ANK2: variants seen among roughly 807,000 people sequenced by gnomAD.
ANK2 encodes the protein ankyrin-2.
In ANK2, 83 loss-of-function variants were observed where a neutral mutation model predicts 360.5. The ratio of observed to expected loss-of-function variants is 0.23; its 90% CI spans 0.19 to 0.28. The LOEUF (loss-of-function observed/expected upper bound fraction) is 0.28, where lower values mean the gene tolerates loss of function less well. Among genes scored for constraint, ANK2 ranks in the 10% least tolerant of loss-of-function variants. ANK2 has a pLI of 1.00. For synonymous variants in ANK2, 1,740 were observed against 1,759.5 expected, an observed-to-expected ratio of 0.99 and a Z score of 0.28; for missense variants, 4,201 against 4,795.7, an observed-to-expected ratio of 0.88 and a Z score of 3.66.
At chr4:112,846,683 A>G (rs968442830) in intron 1 of ANK2, among the ~76,000 whole-genome samples, 4 of 151,854 alleles carry the variant, frequency 2.6e-5, no homozygotes, top group African/African-American at 9.7e-5. Flanking sequence ...TGCTCCTTTA[A>G]GTTTCTTTTC....
chr4:112,950,360 T>C (rs570204762), intron 2 of ANK2, among the ~76,000 whole-genome samples: 1 of 152,300 alleles, frequency 6.6e-6, no homozygotes, highest in East Asian at 1.9e-4. Context: ...GGTTAAAAAG[T>C]AAGGCTGGGT....
intron 2 of ANK2, among the ~76,000 whole-genome samples, chr4:112,965,367 A>G (rs982966066): frequency 4.6e-5 from 7 of 151,670 alleles, no homozygotes; most frequent in African/African-American, 1.7e-4. Context: ...TTTTTTTCCT[A>G]TAGAGTTGTT....
chr4:113,348,087 C>T (rs2095067262), intron 35 of ANK2, 189 bp from the exon 36 acceptor site: 1 of 616,422 alleles, frequency 1.6e-6, no homozygotes, highest in South Asian at 2.0e-5. Context: ...AAACTTTGTA[C>T]TTAAGCCAAT....
upstream of ANK2, among the ~76,000 whole-genome samples, chr4:113,048,917 G>GACAC (rs55814667): frequency 1.7e-3 from 230 of 139,320 alleles, 1 homozygote; most frequent in African/African-American, 4.2e-3. Flanking sequence ...CCCCTACCCA[G>GACAC]ACACACACAC....
At chr4:113,315,573 CA>C (rs1321120561) in intron 24 of ANK2, among the ~76,000 whole-genome samples, 1 of 152,034 alleles carries the variant, frequency 6.6e-6, no homozygotes, top group Non-Finnish European at 1.5e-5. Context: ...TAGCCAAATT[CA>C]AAACAAAATA....
chr4:113,341,049 G>T (rs2094237701), intron 32 of ANK2, among the ~76,000 whole-genome samples: 1 of 152,168 alleles, frequency 6.6e-6, no homozygotes, highest in African/African-American at 2.4e-5. Flanking sequence ...GCCAGTCAAT[G>T]TCACAGACTT....
At chr4:113,281,002 C>A (rs2062104818) in intron 17 of ANK2, among the ~76,000 whole-genome samples, 1 of 152,070 alleles carries the variant, frequency 6.6e-6, no homozygotes, top group African/African-American at 2.4e-5. Flanking sequence ...CATCTGGGAC[C>A]TCTGATCAGA....
chr4:112,912,176 CAAAAAA>C (rs77322574), intron 2 of ANK2, among the ~76,000 whole-genome samples: 13 of 97,246 alleles, frequency 1.3e-4, no homozygotes, highest in African/African-American at 5.0e-4. Flanking sequence ...GACTCCGTTT[CAAAAAA>C]AAAAAAAAAG....
chr4:113,280,803 G>A (rs2061999120), intron 17 of ANK2, among the ~76,000 whole-genome samples: 2 of 152,132 alleles, frequency 1.3e-5, no homozygotes, highest in South Asian at 2.1e-4. Flanking sequence ...TTTGATGATC[G>A]CTTATGTTGT....
rs1258063802 is a variant in ANK2 at position 113,285,196 on chromosome 4, C to T, written c.2079+2324C>T. Among the ~76,000 whole-genome samples the T allele has an allele frequency of 2.0e-5, 3 of 151,370 alleles. No individual in the cohort carries two copies. The East Asian group carries it at 5.8e-4, about 29-fold the overall frequency. ...CAGTGTTTTTCCTCTATTCTCACAC[C>T]TACCACACAACAATCATCAACACAG... On this transcript the variant is annotated intron_variant, in intron 18 of 45. Transcript: ENST00000357077.
intron 1 of ANK2, among the ~76,000 whole-genome samples, chr4:113,121,719 A>AT (rs2095369861): frequency 6.6e-6 from 1 of 152,246 alleles, no homozygotes; most frequent in African/African-American, 2.4e-5. Flanking sequence ...TAAGTAGAAA[A>AT]TTAAAAAAAA....
chr4:113,323,735 G>T, intron 26 of ANK2: 1 of 1,606,926 alleles, frequency 6.2e-7, no homozygotes, highest in Non-Finnish European at 8.5e-7. Flanking sequence ...CCTTCTCTGT[G>T]CTAAAGTATC....
chr4:112,983,542 G>A (rs1402596267), intron 2 of ANK2, among the ~76,000 whole-genome samples: 2 of 152,028 alleles, frequency 1.3e-5, no homozygotes, highest in African/African-American at 4.8e-5. Context: ...TTAGCTGGGT[G>A]TGGTGGCCTG....
chr4:113,381,388 C>G, intron 45 of ANK2, 69 bp from the exon 46 acceptor site: 1 of 1,562,908 alleles, frequency 6.4e-7, no homozygotes, highest in Non-Finnish European at 8.8e-7. Context: ...GTAATGGTCA[C>G]CTTCATTCCT....
intron 43 of ANK2, chr4:113,372,512 A>G (rs1304336117): frequency 1.1e-5 from 16 of 1,468,156 alleles, no homozygotes; most frequent in South Asian, 3.6e-5. Flanking sequence ...AAACAAAGCA[A>G]TGCTTCCATG....
chr4:112,958,021 A>G (rs1239230702), intron 2 of ANK2, among the ~76,000 whole-genome samples: 2 of 150,642 alleles, frequency 1.3e-5, no homozygotes, highest in South Asian at 2.1e-4. Context: ...GACGCTCCTC[A>G]CTTCCTAGAT....
At chr4:112,723,368 G>T in the ANK2 span, among the ~76,000 whole-genome samples, 6 of 151,940 alleles carry the variant, frequency 3.9e-5, no homozygotes, top group African/African-American at 1.5e-4. Flanking sequence ...TTTTTTGTGG[G>T]GGAAGCAGGG....
At chr4:113,172,283 A>G (rs1484892074) in intron 1 of ANK2, among the ~76,000 whole-genome samples, 2 of 152,204 alleles carry the variant, frequency 1.3e-5, no homozygotes, top group East Asian at 3.8e-4. Context: ...CAAAGGCATA[A>G]CTGGGGTTAA....
rs1280880991 is a variant in ANK2 at position 113,255,777 on chromosome 4, G to A, written c.1033G>A (p.Val345Met). The A allele has an allele frequency of 3.1e-6, 5 of 1,614,054 alleles. No individual in the cohort carries two copies. Among genetic ancestry groups the A allele is most frequent in the African/African-American group, 1.3e-5 (1 of 74,916 alleles). The change falls in exon 11 of 46, where the codon GTG becomes ATG. Residue 345 changes from valine (V) to methionine (M), a missense_variant. Val to Met is a conservative substitution (Grantham distance 21, BLOSUM62 1). Transcript: ENST00000357077. ...PLHMAAQGDH[V>M]ECVKHLLQHK... is the part of the protein sequence containing the mutation. ...ACACATGGCTGCCCAGGGAGACCACGTGGAATGTGTGAAGCACCTGTTACA... is the reference window on the plus strand; with the variant it reads ...ACACATGGCTGCCCAGGGAGACCACATGGAATGTGTGAAGCACCTGTTACA...
Sources: gnomAD v4.1 joint callset for allele counts (sites outside exome capture counted in the v4.1 genomes callset) on GRCh38, gnomAD v4.1.1 for gene constraint, MANE v1.5 for transcripts, NCBI Gene and HGNC (gene_info 2026-07-23, HGNC 2026-07-21) for gene names.